Variants in UBE4B observed in about 807,000 individuals in gnomAD.
The protein encoded by UBE4B is ubiquitin conjugation factor E4 B.
In UBE4B, 27 loss-of-function variants were observed where a neutral mutation model predicts 148.1. The ratio of observed to expected loss-of-function variants is 0.18; its 90% CI spans 0.13 to 0.25. The LOEUF (loss-of-function observed/expected upper bound fraction) is 0.25. Among genes scored for constraint, UBE4B ranks in the 10% least tolerant of loss-of-function variants. The probability of loss-of-function intolerance (pLI) is 1.00; values close to 1 mark genes in which losing one functional copy is unlikely to be tolerated. For synonymous variants in UBE4B, 596 were observed against 619.3 expected (o/e 0.96, Z 0.56); for missense variants, 1,170 against 1,662.4 (o/e 0.70, Z 5.15).
At chr1:10,140,665 C>T (rs901460908) in intron 17 of UBE4B, among the ~76,000 whole-genome samples, 2 of 152,196 alleles carry the variant, frequency 1.3e-5, no homozygotes, top group African/African-American at 4.8e-5. Flanking sequence ...TTGCTCCTGG[C>T]TTGCAGCAGA....
At chr1:10,172,174 T>C (rs1485252770) in intron 25 of UBE4B, among the ~76,000 whole-genome samples, 2 of 152,184 alleles carry the variant, frequency 1.3e-5, no homozygotes, top group Non-Finnish European at 2.9e-5. Flanking sequence ...TCTGTCTGTG[T>C]GTGCTTCATT....
chr1:10,092,989 G>C (rs554981682), intron 2 of UBE4B, among the ~76,000 whole-genome samples: 2 of 152,264 alleles, frequency 1.3e-5, no homozygotes, highest in Non-Finnish European at 2.9e-5. Flanking sequence ...GAATTCAGAT[G>C]ATCTCTTTGA....
intron 18 of UBE4B, among the ~76,000 whole-genome samples, chr1:10,146,313 G>A (rs1239106283): frequency 2.0e-5 from 3 of 152,196 alleles, no homozygotes; most frequent in Non-Finnish European, 4.4e-5. Context: ...TTAACTGGGT[G>A]TGGTGGCACA....
At chr1:10,069,482 A>G (rs1644447069) in intron 1 of UBE4B, among the ~76,000 whole-genome samples, 1 of 152,194 alleles carries the variant, frequency 6.6e-6, no homozygotes, top group Non-Finnish European at 1.5e-5. Context: ...AAAAATAAGT[A>G]GGGAAAGGGA....
In UBE4B at chr1:10,168,870, C is replaced by T. The variant is rs527954262; in HGVS notation, c.3333+600C>T. 1.8e-3 allele frequency among the ~76,000 whole-genome samples: 250 copies of T among 141,882 alleles called. No individual in the cohort carries two copies. The highest frequency in any genetic ancestry group is 6.3e-3 in the African/African-American group (238 of 37,628). 93.1% of individuals were successfully genotyped at this position (141,882 alleles called of 152,430 possible). Reference sequence around the variant, plus strand: ...TGGTGCCACTGCACTCCAGCCTGGGCGACAGAGTGAGACTCCATCTCAAAA... The same window carrying T: ...TGGTGCCACTGCACTCCAGCCTGGGTGACAGAGTGAGACTCCATCTCAAAA... On this transcript the variant is annotated intron_variant, in intron 24 of 27. Coordinates refer to ENST00000343090, the MANE Select transcript of UBE4B (RefSeq NM_001105562.3). This position sits in a 1 kb window ranked among gnomAD's most constrained non-coding sequence, Gnocchi z 4.9.
chr1:10,148,252 CTGT>C (rs1645910425), intron 19 of UBE4B, among the ~76,000 whole-genome samples: 1 of 151,296 alleles, frequency 6.6e-6, no homozygotes, highest in Non-Finnish European at 1.5e-5. Flanking sequence ...GTGTGTAGCT[CTGT>C]TGTTTCCGTT....
chr1:10,072,867 A>G (rs1644512681), intron 2 of UBE4B: 1 of 158,656 alleles, frequency 6.3e-6, no homozygotes, highest in Non-Finnish European at 1.4e-5. Context: ...CTATTTTATA[A>G]TTAGGATTCT....
At chr1:10,160,475 G>C (rs1022180744) in intron 22 of UBE4B, among the ~76,000 whole-genome samples, 8 of 152,140 alleles carry the variant, frequency 5.3e-5, no homozygotes, top group Admixed American at 2.0e-4. Context: ...GAAGCAGGGT[G>C]GGGGAGTCAG....
At chr1:10,079,367 C>T (rs900074131) in intron 2 of UBE4B, among the ~76,000 whole-genome samples, 2 of 152,026 alleles carry the variant, frequency 1.3e-5, no homozygotes, top group South Asian at 2.1e-4. Flanking sequence ...ACCATGTTGA[C>T]CAGGCTGGTC....
At chr1:10,174,506 G>T (rs1350234356) in intron 25 of UBE4B, among the ~76,000 whole-genome samples, 3 of 151,678 alleles carry the variant, frequency 2.0e-5, no homozygotes, top group Admixed American at 6.6e-5. Context: ...TTTGAGACCA[G>T]CCTGGCTAAC....
intron 20 of UBE4B, among the ~76,000 whole-genome samples, chr1:10,150,938 GA>G (rs1645964668): frequency 6.8e-6 from 1 of 147,028 alleles, no homozygotes; most frequent in Non-Finnish European, 1.5e-5. Context: ...GAGGCGGGCG[GA>G]TCACGAGGTC....
chr1:10,073,061 T>A, intron 2 of UBE4B: 1 of 152,260 alleles, frequency 6.6e-6, no homozygotes, highest in East Asian at 1.9e-4. Context: ...TAAATGTTTA[T>A]ACCTAATGTG....
In UBE4B at chr1:10,161,754, G is replaced by A. The variant is rs1646163423; in HGVS notation, c.3198+468G>A. Among the ~76,000 whole-genome samples, 1 of 152,144 alleles carries A rather than the reference G, an allele frequency of 6.6e-6. No homozygotes were observed. The highest frequency in any genetic ancestry group is 1.5e-5 in the Non-Finnish European group (1 of 68,054). On this transcript the variant is annotated intron_variant, in intron 23 of 27. Coordinates refer to ENST00000343090, the MANE Select transcript of UBE4B (RefSeq NM_001105562.3). This position sits in a 1 kb window ranked among gnomAD's most constrained non-coding sequence, Gnocchi z 4.1. Reference sequence around the variant, plus strand: ...TATATTCAGTTATTAATAGAAAAGAGGCCTGGCTTGCCAGGTTCCATGGAA... The same window carrying A: ...TATATTCAGTTATTAATAGAAAAGAAGCCTGGCTTGCCAGGTTCCATGGAA...
chr1:10,105,112 G>A (rs1645083952), intron 5 of UBE4B, among the ~76,000 whole-genome samples: 1 of 152,148 alleles, frequency 6.6e-6, no homozygotes, highest in Non-Finnish European at 1.5e-5. Flanking sequence ...TAACCCAGTT[G>A]CATTTGTAGT....
chr1:10,149,706 G>A (rs775525312), intron 20 of UBE4B, among the ~76,000 whole-genome samples: 17 of 151,894 alleles, frequency 1.1e-4, no homozygotes, highest in Non-Finnish European at 2.4e-4. Flanking sequence ...GGTATTGTAG[G>A]GTTTTAATTT....
rs187330806 is a variant in UBE4B at position 10,100,711 on chromosome 1, C to T, written c.348-397C>T. Reference sequence around the variant, plus strand: ...CTGGGATTACAGGCATGTGCCACCACGCCTGACTAATTTTATATTTTTAGT... The same window carrying T: ...CTGGGATTACAGGCATGTGCCACCATGCCTGACTAATTTTATATTTTTAGT... On this transcript the variant is annotated intron_variant, in intron 3 of 27. Transcript: ENST00000343090. 7.4e-4 allele frequency: 130 copies of T among 175,130 alleles called. 1 individual carries two copies. The highest frequency in any genetic ancestry group is 2.5e-3 in the African/African-American group (106 of 41,756). The allele number at this position is 175,130 out of a possible 1,614,324, so 10.8% of individuals were successfully genotyped here. A position where few individuals can be genotyped will look rare whatever the true frequency, so the allele number is the denominator to read the frequency against.
chr1:10,134,416 G>T (rs1221519821), intron 15 of UBE4B, among the ~76,000 whole-genome samples: 1 of 152,084 alleles, frequency 6.6e-6, no homozygotes, highest in East Asian at 1.9e-4. Flanking sequence ...GGAGGCTGAG[G>T]CAAGAGAATC....
rs142791718 is a variant in UBE4B, at chr1:10,075,275, T to A, written c.211+3061T>A. Among the ~76,000 whole-genome samples the A allele has an allele frequency of 5.3e-3, 812 of 152,282 alleles. 10 individuals are homozygous for A. Among genetic ancestry groups the A allele is most frequent in the African/African-American group, 0.018 (757 of 41,556 alleles). ...CCAGATTTGGCCTGTGGACTAGAGC[T>A]TGCTTGGCCCTGCTCTAGACCTGTC... On this transcript the variant is annotated intron_variant, in intron 2 of 27. Coordinates refer to ENST00000343090, the MANE Select transcript of UBE4B (RefSeq NM_001105562.3).
chr1:10,179,812 C>A, intron 27 of UBE4B, 83 bp from the exon 28 acceptor site: 1 of 1,556,434 alleles, frequency 6.4e-7, no homozygotes, highest in South Asian at 1.1e-5. Flanking sequence ...CTTTTCTTCC[C>A]ATTTATACAG....
Sources: allele counts gnomAD v4.1 joint callset (sites outside exome capture counted in the v4.1 genomes callset), GRCh38; gene constraint gnomAD v4.1.1; non-coding constraint Gnocchi (gnomAD v3.1); transcripts MANE v1.5; gene names NCBI Gene and HGNC (gene_info 2026-07-23, HGNC 2026-07-21).